The following MARCHF1 variants were observed in gnomAD, a reference collection of about 807,000 sequenced individuals.
MARCHF1 encodes E3 ubiquitin-protein ligase MARCHF1.
In MARCHF1, 40 loss-of-function variants were observed where a neutral mutation model predicts 54.2. The observed-to-expected ratio is 0.74, with a 90% CI of 0.57 to 0.96. The LOEUF (loss-of-function observed/expected upper bound fraction) is 0.96. Ranked by LOEUF, MARCHF1 falls within the 40% of genes least tolerant of loss-of-function variation. The pLI, the probability that MARCHF1 is intolerant of heterozygous loss-of-function variation, is 0.00. For missense variants in MARCHF1, 586 were observed against 656.5 expected (o/e 0.89, Z 1.17); for synonymous variants, 236 against 236.3 (o/e 1.00, Z 0.01).
At chr4:163,981,376 C>T (rs1752759603) in intron 3 of MARCHF1, among the ~76,000 whole-genome samples, 1 of 152,116 alleles carries the variant, frequency 6.6e-6, no homozygotes, top group South Asian at 2.1e-4. Context: ...AGTCAGACAC[C>T]CAGCACCTAG....
At chr4:163,570,610 C>G (rs946717738) in intron 8 of MARCHF1, among the ~76,000 whole-genome samples, 3 of 152,116 alleles carry the variant, frequency 2.0e-5, no homozygotes, top group African/African-American at 4.8e-5. Flanking sequence ...GTTATACGAA[C>G]ATTTCTACCT....
chr4:164,201,721 G>A (rs1731459543), intron 1 of MARCHF1, among the ~76,000 whole-genome samples: 4 of 152,114 alleles, frequency 2.6e-5, no homozygotes, highest in Non-Finnish European at 4.4e-5. Flanking sequence ...AGCAGCTAGA[G>A]GGATTTGGTG....
chr4:163,936,844 T>C (rs954600985), intron 3 of MARCHF1, among the ~76,000 whole-genome samples: 2 of 152,154 alleles, frequency 1.3e-5, no homozygotes, highest in African/African-American at 2.4e-5. Context: ...AAAGAGAAGG[T>C]AGTTCTCAGA....
chr4:163,580,300 G>A (rs1290411358), intron 8 of MARCHF1, among the ~76,000 whole-genome samples: 4 of 151,800 alleles, frequency 2.6e-5, no homozygotes, highest in South Asian at 2.1e-4. Context: ...GGCTGGTCTC[G>A]GTCTCCTGAC....
intron 9 of MARCHF1, among the ~76,000 whole-genome samples, chr4:163,534,118 G>A (rs761758226): frequency 6.6e-6 from 1 of 151,938 alleles, no homozygotes; most frequent in Non-Finnish European, 1.5e-5. Context: ...AGAGTGCCGC[G>A]CTCTTTACAA....
chr4:164,171,828 G>A (rs1462908136), intron 1 of MARCHF1, among the ~76,000 whole-genome samples: 1 of 152,112 alleles, frequency 6.6e-6, no homozygotes, highest in Non-Finnish European at 1.5e-5. Flanking sequence ...AACAAATATT[G>A]AAATCTAAGG....
chr4:163,744,737 CAT>C (rs1326903291), intron 4 of MARCHF1, among the ~76,000 whole-genome samples: 1 of 152,140 alleles, frequency 6.6e-6, no homozygotes, highest in Non-Finnish European at 1.5e-5. Flanking sequence ...TATCCTTTTA[CAT>C]ATGTGTGTTT....
intron 1 of MARCHF1, among the ~76,000 whole-genome samples, chr4:164,255,388 GATA>G: frequency 3.3e-5 from 1 of 30,160 alleles, no homozygotes. Context: ...AGGCAAGAAA[GATA>G]AAAAAAAAAA....
At chr4:164,220,416 T>C (rs1038450180) in intron 1 of MARCHF1, among the ~76,000 whole-genome samples, 2 of 146,824 alleles carry the variant, frequency 1.4e-5, no homozygotes, top group South Asian at 2.1e-4. Context: ...TTTATATATA[T>C]ATGTATAAAA....
intron 4 of MARCHF1, among the ~76,000 whole-genome samples, chr4:163,801,824 T>C (rs186986632): frequency 1.6e-4 from 25 of 152,236 alleles, no homozygotes; most frequent in African/African-American, 5.5e-4. Context: ...AGGTTTTGAG[T>C]TTCATCCATG....
intron 3 of MARCHF1, among the ~76,000 whole-genome samples, chr4:163,892,742 G>A (rs181052305): frequency 6.6e-6 from 1 of 152,104 alleles, no homozygotes; most frequent in African/African-American, 2.4e-5. Context: ...TATTTAAAAG[G>A]ACATTATATC....
At chr4:164,287,125 T>C (rs1734170785) in intron 1 of MARCHF1, among the ~76,000 whole-genome samples, 1 of 148,436 alleles carries the variant, frequency 6.7e-6, no homozygotes, top group South Asian at 2.1e-4. Context: ...TATGTAAACA[T>C]TTATATATAA....
chr4:163,771,750 T>G (rs1164951596), intron 4 of MARCHF1, among the ~76,000 whole-genome samples: 1 of 152,190 alleles, frequency 6.6e-6, no homozygotes, highest in African/African-American at 2.4e-5. Flanking sequence ...GCTCCAGCAA[T>G]TCTGATCTCA....
intron 3 of MARCHF1, among the ~76,000 whole-genome samples, chr4:163,917,693 G>C (rs564839361): frequency 1.8e-4 from 27 of 152,194 alleles, no homozygotes; most frequent in African/African-American, 6.5e-4. Context: ...TATGTGCCAT[G>C]GTGGTTTGCT....
intron 8 of MARCHF1, among the ~76,000 whole-genome samples, chr4:163,580,102 G>A (rs1030119454): frequency 4.1e-4 from 42 of 103,126 alleles, no homozygotes; most frequent in Admixed American, 1.1e-3. Context: ...TATTTGAGAC[G>A]GAGTCTTGCT....
intron 3 of MARCHF1, among the ~76,000 whole-genome samples, chr4:163,870,508 A>G (rs931161085): frequency 6.6e-6 from 1 of 152,092 alleles, no homozygotes; most frequent in African/African-American, 2.4e-5. Flanking sequence ...AATATATATA[A>G]AAAAGATTCT....
At chr4:163,542,019 G>A (rs912460119) in intron 9 of MARCHF1, among the ~76,000 whole-genome samples, 7 of 152,172 alleles carry the variant, frequency 4.6e-5, no homozygotes, top group Admixed American at 3.9e-4. Flanking sequence ...GCTGGCAAGC[G>A]GCTCTACAGG....
chr4:164,208,236 C>A (rs924098217), intron 1 of MARCHF1, among the ~76,000 whole-genome samples: 2 of 152,142 alleles, frequency 1.3e-5, no homozygotes, highest in East Asian at 3.9e-4. Flanking sequence ...TGGAAAGTAA[C>A]TCAGGTGAAA....
chr4:164,009,988 AAAG>A (rs1753382784), intron 2 of MARCHF1, among the ~76,000 whole-genome samples: 1 of 152,048 alleles, frequency 6.6e-6, no homozygotes, highest in Non-Finnish European at 1.5e-5. Flanking sequence ...AATTAGAAAA[AAAG>A]AAGTCAAATT....
Sources: allele counts gnomAD v4.1 joint callset (sites outside exome capture counted in the v4.1 genomes callset), GRCh38; gene constraint gnomAD v4.1.1; transcripts MANE v1.5; gene names NCBI Gene and HGNC (gene_info 2026-07-23, HGNC 2026-07-21).